Variants in FOXP4 observed in about 807,000 individuals in gnomAD.
FOXP4 encodes forkhead box P4, also known as forkhead box protein P4.
Under a neutral mutation model 82.6 loss-of-function variants are expected in FOXP4, and 25 were observed. That is an observed-to-expected ratio of 0.30 (90% CI 0.22 to 0.42). The LOEUF is 0.42. Among genes scored for constraint, FOXP4 ranks in the 10% least tolerant of loss-of-function variants. The pLI is 1.00. For synonymous variants in FOXP4, 415 were observed against 388.2 expected (o/e 1.07, Z -0.81); for missense variants, 785 against 900.9 (o/e 0.87, Z 1.65).
chr6:41,557,155 G>A (rs939892140), intron 1 of FOXP4, among the ~76,000 whole-genome samples: 5 of 152,304 alleles, frequency 3.3e-5, no homozygotes, highest in African/African-American at 4.8e-5. Flanking sequence ...ACCCAGATTC[G>A]ACAGGGCCTG....
intron 2 of FOXP4, among the ~76,000 whole-genome samples, chr6:41,571,270 G>A (rs541988625): frequency 6.6e-6 from 1 of 152,346 alleles, no homozygotes; most frequent in South Asian, 2.1e-4. Context: ...GCAGGAGCTG[G>A]ATGAGCCCTG....
chr6:41,551,863 G>C (rs2127307086), intron 1 of FOXP4, among the ~76,000 whole-genome samples: 1 of 152,290 alleles, frequency 6.6e-6, no homozygotes, highest in South Asian at 2.1e-4. Context: ...CTGTGTGCTG[G>C]AGGCCAGGCT....
chr6:41,585,318 A>C, intron 4 of FOXP4, 113 bp from the exon 5 acceptor site: 1 of 1,095,498 alleles, frequency 9.1e-7, no homozygotes, highest in Non-Finnish European at 1.3e-6. Context: ...GGAAAGCCAG[A>C]CCATGTTTTA....
chr6:41,598,883 C>T lies in FOXP4; in HGVS notation c.1990C>T (p.Pro664Ser), dbSNP rs1767050266. The change falls in exon 17 of 17, where the codon CCT becomes TCT. Residue 664 changes from proline (P) to serine (S), a missense_variant. Around this residue, in one of 3 missense-constraint regions of FOXP4, gnomAD observed 184 missense variants for 187.3 expected, o/e 0.98. Transcript: ENST00000307972. ...LGAPNPSASG[P>S]PEDRDLEEEL... ...CGCCCCTAACCCCAGCGCCTCGGGG[C>T]CTCCGGAAGACAGGGACCTGGAGGA... 6.2e-7 allele frequency: 1 copy of T among 1,604,968 alleles called. No homozygotes were observed. Among genetic ancestry groups the T allele is most frequent in the African/African-American group, 1.3e-5 (1 of 74,850 alleles).
intron 2 of FOXP4, among the ~76,000 whole-genome samples, chr6:41,577,373 C>T (rs1765546998): frequency 6.6e-6 from 1 of 152,218 alleles, no homozygotes; most frequent in Non-Finnish European, 1.5e-5. Flanking sequence ...ATCCTCCCAA[C>T]TGTGTGCTCT....
intron 2 of FOXP4, among the ~76,000 whole-genome samples, chr6:41,572,797 G>A (rs909151116): frequency 2.0e-5 from 3 of 152,100 alleles, no homozygotes; most frequent in East Asian, 3.8e-4. Flanking sequence ...CCCAGCCAGC[G>A]CTTGGTTTCT....
intron 1 of FOXP4, among the ~76,000 whole-genome samples, chr6:41,552,416 G>C (rs1318831346): frequency 6.6e-6 from 1 of 152,206 alleles, no homozygotes; most frequent in African/African-American, 2.4e-5. Flanking sequence ...GGGAGCTGGA[G>C]AAGCTGGATG....
At chr6:41,592,913 C>T (rs1297584050) in intron 13 of FOXP4, among the ~76,000 whole-genome samples, 2 of 152,106 alleles carry the variant, frequency 1.3e-5, no homozygotes, top group Non-Finnish European at 2.9e-5. Context: ...AGTTCTTCAC[C>T]CCCATCTCCC....
Position 41,598,792 on chromosome 6 carries a change from C to T in FOXP4, c.1899C>T (p.His633=). 6.4e-7 allele frequency: 1 copy of T among 1,558,930 alleles called. No individual in the cohort carries two copies. Among genetic ancestry groups the T allele is most frequent in the South Asian group, 1.2e-5 (1 of 84,634 alleles). ...CCATGCCATACTTTTGCCTCAGCCA[C>T]CAGGTGCAGGTGAAGGAGGAGCCAG... The part of the protein sequence containing the change: ...PPRLSPPQYS[H]QVQVKEEPAE... Residue 633 remains histidine, a synonymous_variant, in exon 17 of 17, where the codon CAC becomes CAT. Transcript: ENST00000307972.
At chr6:41,570,110 A>ACACG (rs1765111835) in intron 2 of FOXP4, 1 of 345,814 alleles carries the variant, frequency 2.9e-6, no homozygotes, top group African/African-American at 2.2e-5. Context: ...ACACACACAC[A>ACACG]CACACACGCA....
chr6:41,565,911 G>C lies in FOXP4; in HGVS notation c.151G>C (p.Asp51His). The stretch of plus-strand genomic sequence containing the variant: ...GGGCAGGGAAGTGACCACGGGTGCA[G>C]ACAGCAATGGTGAGATGAGTCCCGC... ...GTGREVTTGADSNGEMSPAEL... is the reference protein window; with the variant it reads ...GTGREVTTGAHSNGEMSPAEL... The change falls in exon 2 of 17, where the codon GAC (aspartate) becomes CAC (histidine). Residue 51 changes from aspartate (D) to histidine (H), a missense_variant. Physicochemically the swap from Asp to His is moderately conservative, Grantham distance 81. Coordinates refer to ENST00000307972, the MANE Select transcript of FOXP4 (RefSeq NM_001012426.2). 1 of 1,614,058 alleles carries C rather than the reference G, an allele frequency of 6.2e-7. No homozygotes were observed. The highest frequency in any genetic ancestry group is 8.5e-7 in the Non-Finnish European group (1 of 1,180,048).
At chr6:41,559,119 A>T (rs1764431944) in intron 1 of FOXP4, among the ~76,000 whole-genome samples, 2 of 152,188 alleles carry the variant, frequency 1.3e-5, no homozygotes, top group Admixed American at 1.3e-4. Context: ...CTAAGCATAA[A>T]TGCCCTTTCC....
chr6:41,563,898 G>T (rs917904853), intron 1 of FOXP4, among the ~76,000 whole-genome samples: 3 of 152,210 alleles, frequency 2.0e-5, no homozygotes, highest in Non-Finnish European at 4.4e-5. Flanking sequence ...GGTCCTGCAG[G>T]ACAAACTGGG....
intron 13 of FOXP4, among the ~76,000 whole-genome samples, chr6:41,594,087 G>C (rs1264872660): frequency 6.6e-6 from 1 of 152,138 alleles, no homozygotes; most frequent in African/African-American, 2.4e-5. Context: ...CTCCCATGGT[G>C]GTGAGGGGGG....
rs1766901969 is a variant in FOXP4 at position 41,597,285 on chromosome 6, C to G, written c.1725+43C>G. On this transcript the variant is annotated intron_variant, in intron 15 of 16. Transcript: ENST00000307972. ...CACCCACTCACCTCTACCTCCCGCC[C>G]CCTTGCTTTCTCATACAAGAGACCC... The G allele has an allele frequency of 3.8e-6, 6 of 1,599,658 alleles. No individual in the cohort carries two copies. In the East Asian group the frequency reaches 1.3e-4, roughly 36 times the overall value.
At position 41,591,087 on chromosome 6, in the gene FOXP4, ACATTTCTGAG is replaced by A; in HGVS notation, c.1435-131_1435-122del. On this transcript the variant is annotated intron_variant, in intron 12 of 16. Coordinates refer to ENST00000307972, the MANE Select transcript of FOXP4 (RefSeq NM_001012426.2). This position sits in a 1 kb window ranked among gnomAD's most constrained non-coding sequence, Gnocchi z 4.2. ...AGCCACCACCCATCTTGTTATCCAC[ACATTTCTGAG>A]CAGGTCTTCTCACAAAGTGAACTCG... 1.4e-6 allele frequency: 1 copy of A among 711,048 alleles called. No homozygotes were observed. Among genetic ancestry groups the A allele is most frequent in the Non-Finnish European group, 2.4e-6 (1 of 409,306 alleles). 44.0% of individuals were successfully genotyped at this position (711,048 alleles called of 1,614,324 possible).
chr6:41,585,627 A>C, intron 5 of FOXP4, 110 bp downstream of exon 5: 3 of 1,012,512 alleles, frequency 3.0e-6, no homozygotes, highest in Non-Finnish European at 4.3e-6. Flanking sequence ...AAAATCTAGA[A>C]AAGGCTGAGG....
chr6:41,598,583 C>T (rs1189178876), intron 16 of FOXP4: 29 of 678,784 alleles, frequency 4.3e-5, no homozygotes, highest in Middle Eastern at 4.2e-4. Context: ...CTTCTCTCCT[C>T]CCCAACCCAG....
chr6:41,551,246 A>C (rs1763979290), intron 1 of FOXP4, among the ~76,000 whole-genome samples: 1 of 152,208 alleles, frequency 6.6e-6, no homozygotes, highest in Non-Finnish European at 1.5e-5. Flanking sequence ...ACACATCTGG[A>C]CAGGGCCGCA....
Sources: allele counts gnomAD v4.1 joint callset (sites outside exome capture counted in the v4.1 genomes callset), GRCh38; gene constraint gnomAD v4.1.1; regional missense constraint gnomAD v4.1.1; non-coding constraint Gnocchi (gnomAD v3.1); transcripts MANE v1.5; gene names NCBI Gene and HGNC (gene_info 2026-07-23, HGNC 2026-07-21).